The following ZNF695 variants were observed in gnomAD, a reference collection of about 807,000 sequenced individuals.
ZNF695 encodes the protein zinc finger protein 695.
ZNF695 carries 11 observed loss-of-function variants against 11.2 expected under a neutral mutation model. The ratio of observed to expected loss-of-function variants is 0.98; its 90% CI spans 0.62 to 1.62. The LOEUF (loss-of-function observed/expected upper bound fraction) is 1.62, where lower values mean the gene tolerates loss of function less well. Among genes scored for constraint, ZNF695 ranks in the 40% most tolerant of loss-of-function variants. The pLI, the probability that ZNF695 is intolerant of heterozygous loss-of-function variation, is 0.00. For synonymous variants in ZNF695, 190 were observed against 201.4 expected (o/e 0.94, Z 0.48); for missense variants, 559 against 590.5 (o/e 0.95, Z 0.55).
intron 3 of ZNF695, among the ~76,000 whole-genome samples, chr1:246,997,623 C>G (rs1669250326): frequency 6.6e-6 from 1 of 152,096 alleles, no homozygotes; most frequent in South Asian, 2.1e-4. Flanking sequence ...TCCCCATGTT[C>G]ATTACAGCAT....
At chr1:246,947,579 C>T (rs139616834) in intron 5 of ZNF695, among the ~76,000 whole-genome samples, 1 of 152,206 alleles carries the variant, frequency 6.6e-6, no homozygotes, top group Non-Finnish European at 1.5e-5. Flanking sequence ...GCTGATGAAG[C>T]GACAATCAGG....
chr1:246,979,623 A>G (rs55674982), intron 4 of ZNF695, among the ~76,000 whole-genome samples: 19,993 of 152,202 alleles, frequency 0.13, 1,460 homozygotes, highest in Middle Eastern at 0.23. Flanking sequence ...AATTATCTAA[A>G]TGAATTTCGC....
intron 1 of ZNF695, among the ~76,000 whole-genome samples, chr1:247,006,271 A>G (rs1170836796): frequency 6.6e-6 from 1 of 151,784 alleles, no homozygotes; most frequent in East Asian, 1.9e-4. Context: ...CACTGTGAAA[A>G]AAACAAAAAA....
intron 5 of ZNF695, among the ~76,000 whole-genome samples, chr1:246,964,748 G>A (rs909421962): frequency 1.4e-4 from 21 of 152,174 alleles, no homozygotes; most frequent in Non-Finnish European, 4.4e-5. Context: ...GCATATGCCT[G>A]TAATCCCAGC....
chr1:246,987,953 C>A lies in ZNF695; in HGVS notation c.562G>T (p.Glu188Ter). 6.2e-7 allele frequency: 1 copy of A among 1,610,434 alleles called. No individual in the cohort carries two copies. The change falls in exon 4 of 4, where the codon GAA becomes TAA. Residue 188 changes from glutamate to a stop codon, truncating the protein, a stop_gained. Transcript: ENST00000339986. LOFTEE classifies it low-confidence loss of function (END_TRUNC). ...GACATGCAAGAGACATTGCCACATT[C>A]TTTGCATTTGAATGGTTTTTCTCCA... ...HTGEKPFKCK[E>*]CGNVSCMSLI...
chr1:246,985,350 T>G lies in ZNF695; in HGVS notation c.*1617A>C. ...TGATTATAATCCTATATAGGCTTTA[T>G]TATAGCCTTAATAATGACACTGTCA... On this transcript the variant is annotated 3_prime_UTR_variant, in exon 4 of 4. Transcript: ENST00000339986. 1.0e-6 allele frequency: 1 copy of G among 982,550 alleles called. No homozygotes were observed. Among genetic ancestry groups the G allele is most frequent in the Non-Finnish European group, 1.2e-6 (1 of 827,288 alleles). 60.9% of individuals were successfully genotyped at this position (982,550 alleles called of 1,614,324 possible).
chr1:247,005,684 C>T (rs1398076968), intron 1 of ZNF695, among the ~76,000 whole-genome samples: 9 of 151,670 alleles, frequency 5.9e-5, no homozygotes, highest in Admixed American at 3.9e-4. Flanking sequence ...CAAAACAAAA[C>T]AAACAAACAA....
chr1:246,972,113 A>C (rs946305921), intron 4 of ZNF695, among the ~76,000 whole-genome samples: 2 of 152,242 alleles, frequency 1.3e-5, no homozygotes, highest in Non-Finnish European at 2.9e-5. Flanking sequence ...AGAGAAGCGC[A>C]ACCATGCAGG....
intron 3 of ZNF695, among the ~76,000 whole-genome samples, 195 bp from the exon 4 acceptor site, chr1:246,988,450 G>C (rs1427595447): frequency 3.9e-5 from 6 of 151,908 alleles, no homozygotes; most frequent in African/African-American, 1.5e-4. Flanking sequence ...AGCAGCCAAA[G>C]GGGGAAAAAA....
intron 1 of ZNF695, among the ~76,000 whole-genome samples, chr1:247,005,288 T>C (rs1298224006): frequency 6.6e-6 from 1 of 152,204 alleles, no homozygotes; most frequent in African/African-American, 2.4e-5. Flanking sequence ...TCCATACATC[T>C]ACAGCAAATT....
Position 246,985,990 on chromosome 1 carries a change from T to C in ZNF695, c.*977A>G. 1.0e-6 allele frequency: 1 copy of C among 985,030 alleles called. No homozygotes were observed. The highest frequency in any genetic ancestry group is 1.2e-6 in the Non-Finnish European group (1 of 829,616). 61.0% of individuals were successfully genotyped at this position (985,030 alleles called of 1,614,324 possible). On this transcript the variant is annotated 3_prime_UTR_variant, in exon 4 of 4. Transcript: ENST00000339986. ...AAATGAAGGCATGGTATCAAGTGAT[T>C]TAAGACTTGAATTACATAAATATGT... is the stretch of plus-strand genomic sequence containing the variant.
downstream of ZNF695, among the ~76,000 whole-genome samples, chr1:246,982,270 C>CAAAAA (rs11397736): frequency 3.4e-4 from 38 of 110,994 alleles, 1 homozygote; most frequent in East Asian, 5.2e-4. Flanking sequence ...AACTTAGTCT[C>CAAAAA]AAAAAAAAAA....
rs191926477 is a variant in ZNF695 at position 246,955,917 on chromosome 1, G to A, written c.489-10090C>T. 1.0e-3 allele frequency among the ~76,000 whole-genome samples: 154 copies of A among 151,972 alleles called. 1 individual carries two copies. Among genetic ancestry groups the A allele is most frequent in the Non-Finnish European group, 6.9e-4 (47 of 67,992 alleles). On this transcript the variant is annotated intron_variant, in intron 5 of 5. Coordinates refer to the ZNF695 transcript ENST00000487338. ...CCCCTTACTTGACAGATTTAGGTAC[G>A]GAGGCACGGGAGCCAGATGAGGACA...
intron 5 of ZNF695, among the ~76,000 whole-genome samples, chr1:246,946,586 A>G (rs1347713882): frequency 6.6e-6 from 1 of 152,252 alleles, no homozygotes; most frequent in Non-Finnish European, 1.5e-5. Context: ...CAGCACCACA[A>G]ACCTGGCTCC....
chr1:246,987,263 TAA>T lies in ZNF695; in HGVS notation c.1250_1251del (p.Phe417TyrfsTer10). ...TGTTGAGTAAGGTATGAAAACCAGG[TAA>T]AAGCTTTGCCACATTCCTCACATTT... ...PYKCEECGKA[F>X]TWFSYLTQHK... On this transcript the variant is annotated frameshift_variant, in exon 4 of 4. Coordinates refer to ENST00000339986, the MANE Select transcript of ZNF695 (RefSeq NM_020394.5). LOFTEE classifies it low-confidence loss of function (END_TRUNC). The T allele has an allele frequency of 6.2e-7, 1 of 1,613,972 alleles. No homozygotes were observed.
chr1:247,003,178 C>A (rs908928698), intron 1 of ZNF695, among the ~76,000 whole-genome samples: 1 of 152,134 alleles, frequency 6.6e-6, no homozygotes, highest in African/African-American at 2.4e-5. Flanking sequence ...TTCACTGTAG[C>A]CTTTTCACAA....
downstream of ZNF695, chr1:246,945,563 T>A (rs1393553102): frequency 2.0e-6 from 1 of 503,880 alleles, no homozygotes; most frequent in Non-Finnish European, 3.6e-6. Context: ...ATACATTTTC[T>A]TTTCTATTCA....
Position 246,999,402 on chromosome 1 carries a change from C to T in ZNF695, c.205G>A (p.Glu69Lys). 6.2e-7 allele frequency: 1 copy of T among 1,614,042 alleles called. No individual in the cohort carries two copies. Among genetic ancestry groups the T allele is most frequent in the Non-Finnish European group, 8.5e-7 (1 of 1,179,998 alleles). Residue 69 changes from glutamate (E) to lysine (K), a missense_variant, in exon 3 of 4, where the codon GAG becomes AAG. By Grantham distance (56) the Glu-to-Lys change is moderately conservative (BLOSUM62 1). Coordinates refer to ENST00000339986, the MANE Select transcript of ZNF695 (RefSeq NM_020394.5). ...ACGTTCCAGGGCTCTTTCCTTGCCT[C>T]CAGACAGATGATCAGTTCTGGCTTA... is the stretch of plus-strand genomic sequence containing the variant. ...MSKPELIICL[E>K]ARKEPWNVNT... is the part of the protein sequence containing the mutation.
In ZNF695 at chr1:247,008,007, G is replaced by C. The variant is rs1484593679; in HGVS notation, c.-99C>G. 30 of 1,326,022 alleles carry C rather than the reference G, an allele frequency of 2.3e-5. 1 individual carries two copies. The East Asian group carries it at 3.1e-4, about 13-fold the overall frequency. 82.1% of individuals were successfully genotyped at this position (1,326,022 alleles called of 1,614,324 possible). The stretch of plus-strand genomic sequence containing the variant: ...CTGCGGCAGTCACCCGGGACTCTCC[G>C]AGAGGCAGCAGACGGGAACCCAGCA... On this transcript the variant is annotated 5_prime_UTR_variant, in exon 1 of 4. Transcript: ENST00000339986.
Sources: gnomAD v4.1 joint callset for allele counts (sites outside exome capture counted in the v4.1 genomes callset) on GRCh38, gnomAD v4.1.1 for gene constraint, MANE v1.5 for transcripts, NCBI Gene and HGNC (gene_info 2026-07-23, HGNC 2026-07-21) for gene names.